The following NELL1 variants were observed in gnomAD, a reference collection of about 807,000 sequenced individuals.
NELL1 encodes the protein protein kinase C-binding protein NELL1.
A neutral mutation model predicts 107.4 loss-of-function variants in NELL1; 76 were observed. That is an observed-to-expected ratio of 0.71 (90% confidence interval 0.59 to 0.86). NELL1 has a LOEUF of 0.86. Ranked by LOEUF, NELL1 falls within the 40% of genes least tolerant of loss-of-function variation. The pLI is 0.00. For missense variants in NELL1, 1,024 were observed against 1,005.5 expected (o/e 1.02, Z -0.25); for synonymous variants, 353 against 341.2 (o/e 1.03, Z -0.38).
At chr11:21,102,892 G>A (rs900549402) in intron 12 of NELL1, among the ~76,000 whole-genome samples, 1 of 152,118 alleles carries the variant, frequency 6.6e-6, no homozygotes, top group Non-Finnish European at 1.5e-5. Context: ...TTAAGAACCA[G>A]CTTCAGTAGT....
intron 14 of NELL1, among the ~76,000 whole-genome samples, chr11:21,251,696 T>C (rs1208811024): frequency 6.6e-6 from 1 of 151,814 alleles, no homozygotes; most frequent in East Asian, 1.9e-4. Context: ...AAATCCAGGG[T>C]CCAAGGGAAT....
At chr11:21,382,939 G>A (rs541315519) in intron 15 of NELL1, among the ~76,000 whole-genome samples, 1 of 151,992 alleles carries the variant, frequency 6.6e-6, no homozygotes, top group East Asian at 1.9e-4. Context: ...AGGATAAATA[G>A]GAAGAAAATC....
chr11:21,395,977 C>G (rs1851972495), intron 15 of NELL1, among the ~76,000 whole-genome samples: 1 of 151,558 alleles, frequency 6.6e-6, no homozygotes, highest in Non-Finnish European at 1.5e-5. Context: ...TCAATTCATG[C>G]AGACTTAAAA....
At chr11:20,847,540 TC>T in intron 3 of NELL1, 42 bp from the exon 4 acceptor site, 5 of 1,585,026 alleles carry the variant, frequency 3.2e-6, no homozygotes, top group Non-Finnish European at 4.3e-6. Context: ...GGCTGTGATA[TC>T]CAGAACTAAA....
chr11:21,295,015 G>A (rs184158846), intron 14 of NELL1, among the ~76,000 whole-genome samples: 294 of 152,114 alleles, frequency 1.9e-3, no homozygotes, highest in Non-Finnish European at 3.6e-3. Context: ...TGAAGTTTTC[G>A]TTCTGTTATT....
chr11:21,050,026 T>A (rs1040404736), intron 12 of NELL1, among the ~76,000 whole-genome samples: 1 of 152,176 alleles, frequency 6.6e-6, no homozygotes, highest in African/African-American at 2.4e-5. Context: ...TGACAACTGA[T>A]GCCACAAGCA....
intron 15 of NELL1, among the ~76,000 whole-genome samples, chr11:21,529,266 C>T (rs969061469): frequency 8.5e-5 from 13 of 152,222 alleles, no homozygotes; most frequent in Admixed American, 2.6e-4. Context: ...TCATATTAGG[C>T]ATTTTTATGA....
chr11:21,083,157 G>GT (rs1854308914), intron 12 of NELL1, among the ~76,000 whole-genome samples: 1 of 152,160 alleles, frequency 6.6e-6, no homozygotes, highest in African/African-American at 2.4e-5. Context: ...GTCAGTATGT[G>GT]TTTTTATGGG....
intron 13 of NELL1, among the ~76,000 whole-genome samples, chr11:21,124,670 C>T (rs1320069570): frequency 6.6e-6 from 1 of 150,932 alleles, no homozygotes; most frequent in Non-Finnish European, 1.5e-5. Context: ...GGTGCGATCT[C>T]GGCTCACTGC....
chr11:21,056,885 T>G (rs1265192747), intron 12 of NELL1, among the ~76,000 whole-genome samples: 1 of 152,108 alleles, frequency 6.6e-6, no homozygotes, highest in Non-Finnish European at 1.5e-5. Flanking sequence ...AGGGAGTAAG[T>G]GGCAGAAATA....
intron 3 of NELL1, among the ~76,000 whole-genome samples, chr11:20,846,649 G>C (rs1016790186): frequency 5.3e-5 from 8 of 151,312 alleles, no homozygotes; most frequent in Non-Finnish European, 1.0e-4. Context: ...TCTGGTTTGG[G>C]TATGTTTAAT....
At chr11:21,438,203 A>T (rs1469139582) in intron 15 of NELL1, among the ~76,000 whole-genome samples, 1 of 151,124 alleles carries the variant, frequency 6.6e-6, no homozygotes, top group Non-Finnish European at 1.5e-5. Context: ...TCTGGAATAG[A>T]GTTTATTTTT....
intron 2 of NELL1, 99 bp from the exon 3 acceptor site, chr11:20,783,581 C>G: frequency 1.3e-6 from 1 of 775,672 alleles, no homozygotes; most frequent in Non-Finnish European, 2.0e-6. Context: ...CCTCTTCCTT[C>G]TCATCTCCCC....
Position 21,130,913 on chromosome 11 carries a change from G to A in NELL1, c.1426+17199G>A, listed in dbSNP as rs1276476287. 5.2e-5 allele frequency among the ~76,000 whole-genome samples: 4 copies of A among 76,332 alleles called. No homozygotes were observed. In the East Asian group the frequency reaches 1.4e-3, roughly 26 times the overall value. The allele number at this position is 76,332 out of a possible 152,430, so 50.1% of individuals were successfully genotyped here. ...TCACGGTCCCTAATTGGGCTGCTGA[G>A]CAACAGGTAATAGACTGGTGGGCAT... On this transcript the variant is annotated intron_variant, in intron 13 of 19. Coordinates refer to ENST00000357134, the MANE Select transcript of NELL1 (RefSeq NM_006157.5).
intron 15 of NELL1, among the ~76,000 whole-genome samples, chr11:21,436,194 A>G (rs1231729268): frequency 6.6e-6 from 1 of 152,120 alleles, no homozygotes; most frequent in Non-Finnish European, 1.5e-5. Context: ...AGGTGGGACT[A>G]CAGGTGTGCG....
intron 14 of NELL1, among the ~76,000 whole-genome samples, chr11:21,300,005 G>C (rs558544635): frequency 6.6e-6 from 1 of 151,910 alleles, no homozygotes; most frequent in Admixed American, 6.6e-5. Flanking sequence ...TGTGACTTTC[G>C]TAGAGAAATT....
At chr11:21,042,811 T>C (rs1178492941) in intron 12 of NELL1, among the ~76,000 whole-genome samples, 1 of 152,190 alleles carries the variant, frequency 6.6e-6, no homozygotes, top group Admixed American at 6.5e-5. Flanking sequence ...TCCAGCTCTG[T>C]TTGAAACTGT....
chr11:21,461,618 A>G (rs1853902189), intron 15 of NELL1, among the ~76,000 whole-genome samples: 1 of 152,068 alleles, frequency 6.6e-6, no homozygotes, highest in African/African-American at 2.4e-5. Flanking sequence ...TTAACTATAA[A>G]ATCTCCCTTA....
chr11:20,746,158 G>T (rs1381020396), intron 2 of NELL1, among the ~76,000 whole-genome samples: 1 of 152,272 alleles, frequency 6.6e-6, no homozygotes, highest in Non-Finnish European at 1.5e-5. Flanking sequence ...CCTGGACTGT[G>T]GTTGCAGATA....
Sources: gnomAD v4.1 joint callset for allele counts (sites outside exome capture counted in the v4.1 genomes callset) on GRCh38, gnomAD v4.1.1 for gene constraint, MANE v1.5 for transcripts, NCBI Gene and HGNC (gene_info 2026-07-23, HGNC 2026-07-21) for gene names.